The following GALNT2 variants were observed in gnomAD, a reference collection of about 807,000 sequenced individuals.
GALNT2 encodes polypeptide N-acetylgalactosaminyltransferase 2.
GALNT2 carries 31 observed loss-of-function variants against 81.4 expected under a neutral mutation model. The ratio of observed to expected loss-of-function variants is 0.38; its 90% CI spans 0.29 to 0.51. The LOEUF (loss-of-function observed/expected upper bound fraction) is 0.51, where lower values mean the gene tolerates loss of function less well. Ranked by LOEUF, GALNT2 falls within the 20% of genes least tolerant of loss-of-function variation. The pLI is 0.87. For synonymous variants in GALNT2, 303 were observed against 287.4 expected, an observed-to-expected ratio of 1.05 and a Z score of -0.55; for missense variants, 629 against 765.7, an observed-to-expected ratio of 0.82 and a Z score of 2.11.
chr1:230,274,544 C>T lies in GALNT2; in HGVS notation c.1540C>T (p.Arg514Ter), dbSNP rs771005428. 4 of 1,613,820 alleles carry T rather than the reference C, an allele frequency of 2.5e-6. No individual in the cohort carries two copies. The highest frequency in any genetic ancestry group is 2.2e-5 in the East Asian group (1 of 44,898). ...CTCTCTTATAAAGCTGCAGGGCTGCCGAGAAAATGACAGCAGACAGGTACG... is the reference window on the plus strand; with the variant it reads ...CTCTCTTATAAAGCTGCAGGGCTGCTGAGAAAATGACAGCAGACAGGTACG... The part of the protein sequence containing the change: ...PGSLIKLQGC[R>*]ENDSRQKWEQ... Residue 514 changes from arginine (R) to a stop codon, truncating the protein, a stop_gained, in exon 15 of 16, where the codon CGA becomes TGA. Transcript: ENST00000366672. LOFTEE classifies it high-confidence loss of function.
intron 1 of GALNT2, among the ~76,000 whole-genome samples, chr1:230,073,484 A>C (rs1659436494): frequency 6.6e-6 from 1 of 152,224 alleles, no homozygotes; most frequent in Non-Finnish European, 1.5e-5. Context: ...CCTGCAGCAC[A>C]GGGTGAAACA....
chr1:230,096,500 CTCTCTCCCT>C (rs1316102013), intron 1 of GALNT2, among the ~76,000 whole-genome samples: 2 of 152,274 alleles, frequency 1.3e-5, no homozygotes, highest in East Asian at 3.9e-4. Flanking sequence ...CCCCTTTCCC[CTCTCTCCCT>C]TCTTTCTGTC....
chr1:230,142,277 T>TC lies in GALNT2; in HGVS notation c.127-35940dup, dbSNP rs202001630. 2.6e-5 allele frequency among the ~76,000 whole-genome samples: 4 copies of TC among 152,258 alleles called. No individual in the cohort carries two copies. In the East Asian group the frequency reaches 7.7e-4, roughly 29 times the overall value. The stretch of plus-strand genomic sequence containing the variant: ...GATGGCCTCCATCCACCCGGCCACT[T>TC]CTTTCCACATCAGCATTCTTCCGCA... On this transcript the variant is annotated intron_variant, in intron 1 of 15. Transcript: ENST00000366672.
chr1:230,174,065 A>G (rs949350375), intron 1 of GALNT2, among the ~76,000 whole-genome samples: 9 of 152,224 alleles, frequency 5.9e-5, no homozygotes, highest in Non-Finnish European at 1.2e-4. Context: ...TAGCAAATGT[A>G]AAAGACCCCC....
At chr1:230,066,754 C>T (rs1659190896), upstream of GALNT2, among the ~76,000 whole-genome samples, 2 of 152,214 alleles carry the variant, frequency 1.3e-5, no homozygotes, top group Non-Finnish European at 2.9e-5. Flanking sequence ...GCACCGAGGC[C>T]ACTACCGCCC....
chr1:230,170,166 C>G (rs1249213968), intron 1 of GALNT2, among the ~76,000 whole-genome samples: 1 of 152,204 alleles, frequency 6.6e-6, no homozygotes. Flanking sequence ...GTTTTGGGAG[C>G]TGTTGGGCTG....
chr1:230,162,802 T>C (rs568539761), intron 1 of GALNT2, among the ~76,000 whole-genome samples: 2 of 152,330 alleles, frequency 1.3e-5, no homozygotes, highest in South Asian at 2.1e-4. Flanking sequence ...GAGAAGAATC[T>C]AGATGGACAG....
At chr1:230,255,487 G>A in intron 11 of GALNT2, 143 bp downstream of exon 11, 1 of 1,140,550 alleles carries the variant, frequency 8.8e-7, no homozygotes, top group Non-Finnish European at 1.2e-6. Context: ...CAATTGAAAG[G>A]CGCATTCCAC....
chr1:230,161,923 C>G (rs1662448664), intron 1 of GALNT2, among the ~76,000 whole-genome samples: 1 of 152,106 alleles, frequency 6.6e-6, no homozygotes, highest in African/African-American at 2.4e-5. Context: ...CCACCATGTT[C>G]CATTTCTTTT....
At chr1:230,160,666 A>G (rs990916559) in intron 1 of GALNT2, among the ~76,000 whole-genome samples, 20 of 149,808 alleles carry the variant, frequency 1.3e-4, no homozygotes, top group Non-Finnish European at 2.7e-4. Flanking sequence ...GTGAGCCAAC[A>G]TGGTCCCACT....
intron 2 of GALNT2, among the ~76,000 whole-genome samples, chr1:230,190,351 G>A (rs11122462): frequency 1.3e-5 from 2 of 152,228 alleles, no homozygotes; most frequent in Non-Finnish European, 2.9e-5. Flanking sequence ...CTCTGCATGG[G>A]ATGCGCCAAG....
At chr1:230,073,900 C>CATGG (rs1659449259) in intron 1 of GALNT2, among the ~76,000 whole-genome samples, 3 of 152,194 alleles carry the variant, frequency 2.0e-5, no homozygotes, top group Non-Finnish European at 4.4e-5. Context: ...TGCTGACCAC[C>CATGG]TCCTCCTGCC....
chr1:230,109,198 G>A (rs957844512), intron 1 of GALNT2, among the ~76,000 whole-genome samples: 3 of 152,204 alleles, frequency 2.0e-5, no homozygotes, highest in African/African-American at 4.8e-5. Context: ...CTGCGGCTGC[G>A]GACCCCCGTA....
chr1:230,183,086 A>T (rs1247563175), intron 2 of GALNT2, among the ~76,000 whole-genome samples: 1 of 152,124 alleles, frequency 6.6e-6, no homozygotes, highest in Non-Finnish European at 1.5e-5. Context: ...CTTTCTTTTG[A>T]TTAGTGTTAG....
intron 2 of GALNT2, among the ~76,000 whole-genome samples, chr1:230,191,391 G>C (rs1217805756): frequency 1.3e-5 from 2 of 152,246 alleles, no homozygotes; most frequent in Non-Finnish European, 2.9e-5. Flanking sequence ...CCAAGGGGAA[G>C]TGGGATCATG....
intron 3 of GALNT2, among the ~76,000 whole-genome samples, chr1:230,235,237 A>AGCTACTTAC (rs1664990828): frequency 7.2e-6 from 1 of 138,498 alleles, no homozygotes; most frequent in Non-Finnish European, 1.5e-5. Flanking sequence ...AAAAAAAAAA[A>AGCTACTTAC]GCTACTTACT....
chr1:230,218,021 AG>A (rs200544392), intron 3 of GALNT2, among the ~76,000 whole-genome samples: 1,656 of 152,308 alleles, frequency 0.011, 16 homozygotes, highest in Middle Eastern at 0.02. Context: ...CTAAAGGGTC[AG>A]TTTTTTAAAA....
chr1:230,201,020 A>G (rs1436519959), intron 2 of GALNT2, among the ~76,000 whole-genome samples: 1 of 152,190 alleles, frequency 6.6e-6, no homozygotes, highest in African/African-American at 2.4e-5. Flanking sequence ...GAGGAGTAGA[A>G]GCTGCTCGCT....
At chr1:230,077,964 C>T (rs71654313) in intron 1 of GALNT2, among the ~76,000 whole-genome samples, 4,411 of 152,222 alleles carry the variant, frequency 0.029, 98 homozygotes, top group Non-Finnish European at 0.048. Context: ...AAGCCATTGA[C>T]GTATATGTCC....
Sources: gnomAD v4.1 joint callset for allele counts (sites outside exome capture counted in the v4.1 genomes callset) on GRCh38, gnomAD v4.1.1 for gene constraint, MANE v1.5 for transcripts, NCBI Gene and HGNC (gene_info 2026-07-23, HGNC 2026-07-21) for gene names.